Variants in MFAP3 observed in about 807,000 individuals in gnomAD.
The protein encoded by MFAP3 is microfibril associated protein 3, also known as microfibril-associated glycoprotein 3.
In MFAP3, 8 loss-of-function variants were observed where a neutral mutation model predicts 20.5. The observed-to-expected ratio is 0.39, with a 90% CI of 0.23 to 0.70. The LOEUF (loss-of-function observed/expected upper bound fraction) is 0.70. Among genes scored for constraint, MFAP3 ranks in the 30% least tolerant of loss-of-function variants. The pLI is 0.44. For missense variants in MFAP3, 398 were observed against 444.6 expected, an observed-to-expected ratio of 0.90 and a Z score of 0.94; for synonymous variants, 140 against 154.0, an observed-to-expected ratio of 0.91 and a Z score of 0.67.
At chr5:154,052,718 C>T (rs1773227269) in intron 2 of MFAP3, among the ~76,000 whole-genome samples, 1 of 152,068 alleles carries the variant, frequency 6.6e-6, no homozygotes, top group Non-Finnish European at 1.5e-5. Flanking sequence ...ATCTTGATTT[C>T]CTTTTAAGAT....
At chr5:154,046,653 A>G (rs1366429462) in intron 1 of MFAP3, among the ~76,000 whole-genome samples, 10 of 152,220 alleles carry the variant, frequency 6.6e-5, no homozygotes, top group Non-Finnish European at 1.3e-4. Flanking sequence ...GCAGAATTCC[A>G]TGTGGGAGTT....
At chr5:154,043,548 T>TCACA (rs145579460) in intron 1 of MFAP3, among the ~76,000 whole-genome samples, 19,521 of 149,240 alleles carry the variant, frequency 0.13, 1,671 homozygotes, top group Non-Finnish European at 0.19. Flanking sequence ...CGAAACTCCG[T>TCACA]CACACACACA....
chr5:154,041,005 G>A (rs1221704059), intron 1 of MFAP3, among the ~76,000 whole-genome samples: 1 of 152,154 alleles, frequency 6.6e-6, no homozygotes, highest in Non-Finnish European at 1.5e-5. Context: ...CCTGTGCTAA[G>A]GACAGAAGGT....
chr5:154,040,200 G>T (rs1287927451), intron 1 of MFAP3, among the ~76,000 whole-genome samples: 2 of 152,110 alleles, frequency 1.3e-5, no homozygotes, highest in Admixed American at 1.3e-4. Context: ...GAACTTCAAA[G>T]GGTTTTTGTT....
At chr5:154,043,387 TA>T (rs1581860413) in intron 1 of MFAP3, among the ~76,000 whole-genome samples, 1 of 152,078 alleles carries the variant, frequency 6.6e-6, no homozygotes, top group Non-Finnish European at 1.5e-5. Context: ...CCGTCTCTAC[TA>T]AAAATACAAA....
Position 154,049,811 on chromosome 5 carries a change from T to C in MFAP3, c.89T>C (p.Met30Thr). Reference sequence around the variant, plus strand: ...TTGGAAGATGTGGACTTCGACCAAATGGTTTCACTGGAAGCAAATCGTAGT... The same window carrying C: ...TTGGAAGATGTGGACTTCGACCAAACGGTTTCACTGGAAGCAAATCGTAGT... The part of the protein sequence containing the change: ...FVLEDVDFDQ[M>T]VSLEANRSSY... The change falls in exon 2 of 3, where the codon ATG becomes ACG. Residue 30 changes from methionine (M) to threonine (T), a missense_variant. Coordinates refer to ENST00000522782, the MANE Select transcript of MFAP3 (RefSeq NM_005927.5). 1 of 1,613,768 alleles carries C rather than the reference T, an allele frequency of 6.2e-7. No homozygotes were observed. Among genetic ancestry groups the C allele is most frequent in the South Asian group, 1.1e-5 (1 of 91,070 alleles).
chr5:154,052,678 C>G (rs1223092150), intron 2 of MFAP3, among the ~76,000 whole-genome samples: 1 of 152,056 alleles, frequency 6.6e-6, no homozygotes, highest in Non-Finnish European at 1.5e-5. Flanking sequence ...GAAAAGGAAG[C>G]TATGTTAATT....
chr5:154,041,595 A>T (rs887447231), intron 1 of MFAP3, among the ~76,000 whole-genome samples: 1 of 152,190 alleles, frequency 6.6e-6, no homozygotes, highest in African/African-American at 2.4e-5. Flanking sequence ...ATTCTTGGAG[A>T]ATTACAATGC....
chr5:154,041,730 A>G (rs1772957852), intron 1 of MFAP3, among the ~76,000 whole-genome samples: 1 of 152,214 alleles, frequency 6.6e-6, no homozygotes, highest in Admixed American at 6.5e-5. Flanking sequence ...TGGATACATC[A>G]TAGAGGTAAA....
chr5:154,041,144 A>C (rs1339973366), intron 1 of MFAP3, among the ~76,000 whole-genome samples: 1 of 152,184 alleles, frequency 6.6e-6, no homozygotes, highest in East Asian at 1.9e-4. Context: ...AAAAAAAAAA[A>C]AACTCATCTG....
chr5:154,051,550 G>T (rs1471020261), intron 2 of MFAP3, among the ~76,000 whole-genome samples: 1 of 152,152 alleles, frequency 6.6e-6, no homozygotes, highest in Non-Finnish European at 1.5e-5. Context: ...TTAGATTGTG[G>T]TTGTAGTGCA....
Position 154,053,393 on chromosome 5 carries a change from G to C in MFAP3, c.769G>C (p.Glu257Gln). The change falls in exon 3 of 3, where the codon GAG becomes CAG. Residue 257 changes from glutamate to glutamine, a missense_variant. Glu to Gln is a conservative substitution (Grantham distance 29, BLOSUM62 2). Transcript: ENST00000522782. Reference protein sequence around the residue: ...NCRAFVEEMFEAVRVDDPDDL... With the variant: ...NCRAFVEEMFQAVRVDDPDDL... ...TCGAGCCTTTGTTGAGGAGATGTTTGAGGCTGTGCGAGTGGACGACCCTGA... is the reference window on the plus strand; with the variant it reads ...TCGAGCCTTTGTTGAGGAGATGTTTCAGGCTGTGCGAGTGGACGACCCTGA... 6.2e-7 allele frequency: 1 copy of C among 1,613,990 alleles called. No homozygotes were observed. The highest frequency in any genetic ancestry group is 8.5e-7 in the Non-Finnish European group (1 of 1,179,948).
At position 154,052,920 on chromosome 5, in the gene MFAP3, G is replaced by T. The variant is rs770175637; in HGVS notation, c.296G>T (p.Gly99Val). The change falls in exon 3 of 3, where the codon GGT (glycine) becomes GTT (valine). Residue 99 changes from glycine (G) to valine (V), a missense_variant and splice_region_variant. Gly to Val is a moderately radical substitution (Grantham distance 109, BLOSUM62 -3). Transcript: ENST00000522782. ...KGQQLDGRSR[G>V]GKWLVSDNFL... ...TTTTTCATTTCTGTTCAATTATCAGGTGGAAAGTGGTTGGTTTCTGATAAC... is the reference window on the plus strand; with the variant it reads ...TTTTTCATTTCTGTTCAATTATCAGTTGGAAAGTGGTTGGTTTCTGATAAC... The T allele has an allele frequency of 6.2e-7, 1 of 1,607,660 alleles. No homozygotes were observed. Among genetic ancestry groups the T allele is most frequent in the African/African-American group, 1.3e-5 (1 of 74,706 alleles).
At position 154,053,365 on chromosome 5, in the gene MFAP3, C is replaced by T. The variant is rs770957752; in HGVS notation, c.741C>T (p.Asn247=). The T allele has an allele frequency of 6.2e-7, 1 of 1,614,014 alleles. No homozygotes were observed. Among genetic ancestry groups the T allele is most frequent in the South Asian group, 1.1e-5 (1 of 91,078 alleles). ...RSVPLPPLIL[N]CRAFVEEMFE... is the part of the protein sequence containing the mutation. ...TCCCTCTTCCACCTCTTATTCTAAA[C>T]TGTCGAGCCTTTGTTGAGGAGATGT... The change falls in exon 3 of 3, where the codon AAC becomes AAT. Residue 247 remains asparagine (N), a synonymous_variant. Coordinates refer to ENST00000522782, the MANE Select transcript of MFAP3 (RefSeq NM_005927.5).
chr5:154,050,101 CAAAGA>C (rs1773153488), intron 2 of MFAP3, 84 bp downstream of exon 2: 1 of 1,450,048 alleles, frequency 6.9e-7, no homozygotes, highest in Non-Finnish European at 9.2e-7. Context: ...CAAAAAGTCT[CAAAGA>C]TAAGGTGCCA....
chr5:154,056,266 CT>C lies in MFAP3; in HGVS notation c.*2554del, dbSNP rs1171719450. Among the ~76,000 whole-genome samples the C allele has an allele frequency of 6.6e-6, 1 of 152,174 alleles. No individual in the cohort carries two copies. Among genetic ancestry groups the C allele is most frequent in the African/African-American group, 2.4e-5 (1 of 41,438 alleles). ...TGGCCTAATTTGGTGGCCAAAGTAACTGGTTTACTTTGAGTGTACCAGCTTA... is the reference window on the plus strand; with the variant it reads ...TGGCCTAATTTGGTGGCCAAAGTAACGGTTTACTTTGAGTGTACCAGCTTA... On this transcript the variant is annotated 3_prime_UTR_variant, in exon 3 of 3. Coordinates refer to ENST00000522782, the MANE Select transcript of MFAP3 (RefSeq NM_005927.5).
intron 1 of MFAP3, among the ~76,000 whole-genome samples, chr5:154,046,323 C>T (rs1773072216): frequency 6.6e-6 from 1 of 152,064 alleles, no homozygotes; most frequent in South Asian, 2.1e-4. Flanking sequence ...AATTATAATC[C>T]CTGTTGCATA....
At chr5:154,042,312 A>G (rs1348911116) in intron 1 of MFAP3, among the ~76,000 whole-genome samples, 1 of 152,244 alleles carries the variant, frequency 6.6e-6, no homozygotes, top group Non-Finnish European at 1.5e-5. Flanking sequence ...GGCAAAAAGG[A>G]TATAAGTTAT....
Position 154,049,973 on chromosome 5 carries a change from A to T in MFAP3, c.251A>T (p.His84Leu). Reference protein sequence around the residue: ...LLTASHYEDVHWHNSKGQQLD... With the variant: ...LLTASHYEDVLWHNSKGQQLD... Reference sequence around the variant, plus strand: ...ACAGCCAGTCACTATGAAGATGTCCATTGGCACAATTCAAAAGGACAGCAA... The same window carrying T: ...ACAGCCAGTCACTATGAAGATGTCCTTTGGCACAATTCAAAAGGACAGCAA... Residue 84 changes from histidine (H) to leucine (L), a missense_variant, in exon 2 of 3, where the codon CAT becomes CTT. By Grantham distance (99) the His-to-Leu change is moderately conservative. Transcript: ENST00000522782. 1 of 1,611,902 alleles carries T rather than the reference A, an allele frequency of 6.2e-7. No individual in the cohort carries two copies. The highest frequency in any genetic ancestry group is 8.5e-7 in the Non-Finnish European group (1 of 1,178,128).
Sources: gnomAD v4.1 joint callset for allele counts (sites outside exome capture counted in the v4.1 genomes callset) on GRCh38, gnomAD v4.1.1 for gene constraint, MANE v1.5 for transcripts, NCBI Gene and HGNC (gene_info 2026-07-23, HGNC 2026-07-21) for gene names.